CEP128: variants seen among roughly 807,000 people sequenced by gnomAD.
CEP128 encodes the protein centrosomal protein 128kDa.
In CEP128, 132 loss-of-function variants were observed where a neutral mutation model predicts 156.7. The ratio of observed to expected loss-of-function variants is 0.84; its 90% confidence interval spans 0.73 to 0.97. CEP128 has a LOEUF of 0.97. Ranked by LOEUF, CEP128 falls within the 50% of genes least tolerant of loss-of-function variation. CEP128 has a pLI of 0.00. For missense variants in CEP128, 1,252 were observed against 1,281.9 expected, an observed-to-expected ratio of 0.98 and a Z score of 0.36; for synonymous variants, 469 against 448.9, an observed-to-expected ratio of 1.04 and a Z score of -0.57.
At chr14:80,890,349 C>G (rs1889033742) in intron 8 of CEP128, among the ~76,000 whole-genome samples, 1 of 152,124 alleles carries the variant, frequency 6.6e-6, no homozygotes, top group African/African-American at 2.4e-5. Flanking sequence ...CAGCACTATT[C>G]ACAATAGCAA....
chr14:80,810,715 T>C (rs1884484421), intron 13 of CEP128, among the ~76,000 whole-genome samples: 1 of 152,180 alleles, frequency 6.6e-6, no homozygotes, highest in African/African-American at 2.4e-5. Context: ...AGATTGGTAT[T>C]AGTTCTCTAT....
intron 18 of CEP128, 93 bp from the exon 19 acceptor site, chr14:80,743,360 A>G (rs1898933071): frequency 7.5e-6 from 8 of 1,072,866 alleles, no homozygotes; most frequent in Non-Finnish European, 1.1e-5. Flanking sequence ...CATAATTTGA[A>G]CAAATATAGA....
intron 19 of CEP128, among the ~76,000 whole-genome samples, chr14:80,593,275 G>A (rs930006478): frequency 3.9e-5 from 6 of 151,910 alleles, no homozygotes; most frequent in Non-Finnish European, 8.8e-5. Context: ...GGCCGGGTGA[G>A]GTGGCTCACA....
At chr14:80,726,017 G>A (rs1898007011) in intron 19 of CEP128, among the ~76,000 whole-genome samples, 1 of 152,096 alleles carries the variant, frequency 6.6e-6, no homozygotes, top group Non-Finnish European at 1.5e-5. Flanking sequence ...ACTTCTATAA[G>A]ATCCTTTTTG....
rs1172201367 is a variant in CEP128 at position 80,583,820 on chromosome 14, A to G, written c.2807-3397T>C. 5.9e-5 allele frequency among the ~76,000 whole-genome samples: 9 copies of G among 152,330 alleles called. No homozygotes were observed. The East Asian group carries it at 1.7e-3, about 29-fold the overall frequency. On this transcript the variant is annotated intron_variant, in intron 19 of 24. Coordinates refer to ENST00000555265, the MANE Select transcript of CEP128 (RefSeq NM_152446.5). ...CATTTTTAAAAGTCTCCAGGGATGTAGTTGTATTGAACCTTCTTATCTCTA... is the reference window on the plus strand; with the variant it reads ...CATTTTTAAAAGTCTCCAGGGATGTGGTTGTATTGAACCTTCTTATCTCTA...
chr14:80,738,701 TATTA>T (rs889559716), intron 19 of CEP128, among the ~76,000 whole-genome samples: 7 of 152,034 alleles, frequency 4.6e-5, no homozygotes, highest in African/African-American at 1.2e-4. Context: ...TGTTCTATTT[TATTA>T]ATTATTATTA....
At chr14:80,610,162 C>T (rs955935297) in intron 19 of CEP128, among the ~76,000 whole-genome samples, 1 of 152,074 alleles carries the variant, frequency 6.6e-6, no homozygotes, top group Non-Finnish European at 1.5e-5. Context: ...TACTTTATCT[C>T]TTTTTTTCCA....
At chr14:80,842,127 T>C (rs554626159) in intron 9 of CEP128, among the ~76,000 whole-genome samples, 1 of 152,094 alleles carries the variant, frequency 6.6e-6, no homozygotes, top group Non-Finnish European at 1.5e-5. Context: ...TCCAAAATAA[T>C]GTACTTTTCT....
chr14:80,742,909 C>T (rs1898904791), intron 19 of CEP128, 166 bp downstream of exon 19: 2 of 619,568 alleles, frequency 3.2e-6, no homozygotes, highest in East Asian at 5.6e-5. Flanking sequence ...AGAATTTTCT[C>T]TTCTCGTCCC....
rs562154988 is a variant in CEP128 at position 80,642,356 on chromosome 14, C to A, written c.2807-61933G>T. 2.0e-5 allele frequency among the ~76,000 whole-genome samples: 3 copies of A among 152,180 alleles called. No homozygotes were observed. In the East Asian group the frequency reaches 5.8e-4, roughly 29 times the overall value. On this transcript the variant is annotated intron_variant, in intron 19 of 24. Transcript: ENST00000555265. Reference sequence around the variant, plus strand: ...TGTGTAATTAGGATTCATTGCCAGTCCAGAGATAAAGGAGAGATATCAGTG... The same window carrying A: ...TGTGTAATTAGGATTCATTGCCAGTACAGAGATAAAGGAGAGATATCAGTG...
intron 19 of CEP128, among the ~76,000 whole-genome samples, chr14:80,585,945 A>C (rs1891801822): frequency 6.6e-6 from 1 of 152,222 alleles, no homozygotes; most frequent in African/African-American, 2.4e-5. Flanking sequence ...GAGCCTATAA[A>C]TGATGGACTT....
chr14:80,551,243 G>A (rs1890196697), intron 21 of CEP128, among the ~76,000 whole-genome samples: 1 of 152,116 alleles, frequency 6.6e-6, no homozygotes, highest in African/African-American at 2.4e-5. Context: ...TTTCTGGAAG[G>A]CATGCCAAAA....
At chr14:80,706,522 A>G (rs180966915) in intron 19 of CEP128, among the ~76,000 whole-genome samples, 4 of 152,132 alleles carry the variant, frequency 2.6e-5, no homozygotes, top group African/African-American at 9.6e-5. Context: ...ATCTCCTGTC[A>G]TTCAAATTGC....
At chr14:80,699,236 G>A (rs946590618) in intron 19 of CEP128, among the ~76,000 whole-genome samples, 6 of 152,142 alleles carry the variant, frequency 3.9e-5, no homozygotes, top group African/African-American at 1.4e-4. Flanking sequence ...CAGCCATGCT[G>A]CCAAGACGTG....
At chr14:80,691,408 G>A (rs1896715743) in intron 19 of CEP128, among the ~76,000 whole-genome samples, 2 of 152,178 alleles carry the variant, frequency 1.3e-5, no homozygotes, top group South Asian at 4.1e-4. Flanking sequence ...CCCACTATTG[G>A]GGTTAGACTT....
rs1276076298 is a variant in CEP128, at chr14:80,496,606, C to T, written c.*873G>A. Reference sequence around the variant, plus strand: ...AAATCCTTCTCCACTAGGAGATCAGCGTGTAAAGGGAATACGTTCTTAGAC... The same window carrying T: ...AAATCCTTCTCCACTAGGAGATCAGTGTGTAAAGGGAATACGTTCTTAGAC... On this transcript the variant is annotated 3_prime_UTR_variant, in exon 25 of 25. Transcript: ENST00000555265. 1 of 152,394 alleles carries T rather than the reference C, an allele frequency of 6.6e-6. No individual in the cohort carries two copies. Among genetic ancestry groups the T allele is most frequent in the Non-Finnish European group, 1.5e-5 (1 of 67,998 alleles). 9.4% of individuals were successfully genotyped at this position (152,394 alleles called of 1,614,324 possible).
At chr14:80,751,860 A>G (rs1037007160) in intron 18 of CEP128, among the ~76,000 whole-genome samples, 2 of 152,056 alleles carry the variant, frequency 1.3e-5, no homozygotes, top group Admixed American at 6.6e-5. Flanking sequence ...CGAACTCCCA[A>G]CCTCAGATGA....
At chr14:80,601,159 C>T (rs188804403) in intron 19 of CEP128, among the ~76,000 whole-genome samples, 65 of 151,796 alleles carry the variant, frequency 4.3e-4, no homozygotes, top group African/African-American at 1.5e-3. Context: ...AAAGAAAAGG[C>T]AATTATAAAG....
At chr14:80,858,999 G>A (rs1210969662) in intron 9 of CEP128, among the ~76,000 whole-genome samples, 3 of 151,868 alleles carry the variant, frequency 2.0e-5, no homozygotes, top group Non-Finnish European at 2.9e-5. Context: ...CGATTCCTCA[G>A]GGATCTAGAA....
Sources: gnomAD v4.1 joint callset for allele counts (sites outside exome capture counted in the v4.1 genomes callset) on GRCh38, gnomAD v4.1.1 for gene constraint, MANE v1.5 for transcripts, NCBI Gene and HGNC (gene_info 2026-07-23, HGNC 2026-07-21) for gene names.